The following CALN1 variants were observed in gnomAD, a reference collection of about 807,000 sequenced individuals.
CALN1 encodes calcium-binding protein 8.
In CALN1, 17 loss-of-function variants were observed where a neutral mutation model predicts 30.6. That is an observed-to-expected ratio of 0.56 (90% CI 0.38 to 0.83). The LOEUF (loss-of-function observed/expected upper bound fraction) is 0.83. Ranked by LOEUF, CALN1 falls within the 40% of genes least tolerant of loss-of-function variation. CALN1 has a pLI of 0.00. For synonymous variants in CALN1, 156 were observed against 131.4 expected, an observed-to-expected ratio of 1.19 and a Z score of -1.28; for missense variants, 291 against 354.9, an observed-to-expected ratio of 0.82 and a Z score of 1.45.
In CALN1 at chr7:72,276,881, C is replaced by T. The variant is rs1221514858; in HGVS notation, c.244+1805G>A. 2.6e-5 allele frequency among the ~76,000 whole-genome samples: 4 copies of T among 152,164 alleles called. No individual in the cohort carries two copies. The East Asian group carries it at 7.7e-4, about 29-fold the overall frequency. ...ACACAAAGCAGACTAAGACAGTGCCCTTACATACTCAAGGCACAAAAGAAC... is the reference window on the plus strand; with the variant it reads ...ACACAAAGCAGACTAAGACAGTGCCTTTACATACTCAAGGCACAAAAGAAC... On this transcript the variant is annotated intron_variant, in intron 3 of 6. Coordinates refer to ENST00000395275, the MANE Select transcript of CALN1 (RefSeq NM_031468.4).
chr7:71,906,806 C>T lies in CALN1; in HGVS notation c.502-96314G>A, dbSNP rs571756533. On this transcript the variant is annotated intron_variant, in intron 5 of 6. Transcript: ENST00000395275. ...CTCATTTCCAGAACAAAACAGAAAG[C>T]GAGGAGTAAGACTGGCAGCAGCCAA... is the stretch of plus-strand genomic sequence containing the variant. Among the ~76,000 whole-genome samples the T allele has an allele frequency of 6.6e-4, 101 of 152,212 alleles. No homozygotes were observed. The Middle Eastern group carries it at 0.017, about 26-fold the overall frequency.
At chr7:72,335,909 G>A (rs1801993935) in intron 2 of CALN1, among the ~76,000 whole-genome samples, 1 of 152,158 alleles carries the variant, frequency 6.6e-6, no homozygotes, top group African/African-American at 2.4e-5. Context: ...TGCTGCCTAG[G>A]CGCCCTCGGA....
chr7:72,154,167 G>A (rs533498130), intron 3 of CALN1, among the ~76,000 whole-genome samples: 1 of 151,524 alleles, frequency 6.6e-6, no homozygotes, highest in Non-Finnish European at 1.5e-5. Flanking sequence ...CTCCTAGAAA[G>A]ATAAAATAAT....
At chr7:71,944,236 C>T (rs1449862922) in intron 5 of CALN1, among the ~76,000 whole-genome samples, 1 of 151,994 alleles carries the variant, frequency 6.6e-6, no homozygotes, top group Non-Finnish European at 1.5e-5. Context: ...CACTTGAGCC[C>T]AGGAGTTCAA....
chr7:72,274,608 A>C (rs1215676240), intron 3 of CALN1, among the ~76,000 whole-genome samples: 1 of 152,204 alleles, frequency 6.6e-6, no homozygotes, highest in African/African-American at 2.4e-5. Flanking sequence ...AATTCCATAT[A>C]ATGCACTCTA....
intron 5 of CALN1, among the ~76,000 whole-genome samples, chr7:71,855,252 G>C (rs765811768): frequency 2.0e-5 from 3 of 152,200 alleles, no homozygotes; most frequent in Non-Finnish European, 4.4e-5. Context: ...AAACTTGCAT[G>C]TCTCAAGTCT....
chr7:72,336,302 C>A (rs1182667684), intron 2 of CALN1, among the ~76,000 whole-genome samples: 1 of 152,080 alleles, frequency 6.6e-6, no homozygotes, highest in Non-Finnish European at 1.5e-5. Context: ...GTCCCCTGCC[C>A]TCCCTCCCCA....
chr7:72,078,424 C>T (rs915299507), intron 4 of CALN1, among the ~76,000 whole-genome samples: 4 of 152,138 alleles, frequency 2.6e-5, no homozygotes, highest in African/African-American at 7.2e-5. Flanking sequence ...CAGAGACTCG[C>T]AAGCTGTCCC....
intron 2 of CALN1, among the ~76,000 whole-genome samples, chr7:72,322,845 G>A (rs1379443321): frequency 6.6e-6 from 1 of 151,492 alleles, no homozygotes; most frequent in East Asian, 1.9e-4. Context: ...CGTTTGAGGG[G>A]ATGGATATAC....
chr7:72,296,177 G>A (rs555628468), intron 2 of CALN1, among the ~76,000 whole-genome samples: 18 of 151,500 alleles, frequency 1.2e-4, no homozygotes, highest in East Asian at 7.7e-4. Context: ...ACTGATTTGC[G>A]TATATTGAAC....
chr7:72,081,494 C>A (rs1420148182), intron 4 of CALN1, among the ~76,000 whole-genome samples: 1 of 149,012 alleles, frequency 6.7e-6, no homozygotes, highest in African/African-American at 2.5e-5. Flanking sequence ...GCAATCATAG[C>A]TCACTACAGC....
intron 4 of CALN1, among the ~76,000 whole-genome samples, chr7:72,063,576 C>T (rs1482103271): frequency 1.3e-5 from 2 of 152,110 alleles, no homozygotes; most frequent in African/African-American, 4.8e-5. Flanking sequence ...TCCAGACTTG[C>T]CATGAGAGCC....
the CALN1 span, among the ~76,000 whole-genome samples, chr7:72,503,054 G>T: frequency 6.6e-6 from 1 of 152,100 alleles, no homozygotes; most frequent in African/African-American, 2.4e-5. Flanking sequence ...GCTGAGGCAG[G>T]AGAATCGCTT....
At chr7:72,038,888 T>C (rs112687736) in intron 4 of CALN1, among the ~76,000 whole-genome samples, 1,746 of 152,304 alleles carry the variant, frequency 0.011, 43 homozygotes, top group African/African-American at 0.039. Flanking sequence ...ACCATAAAAA[T>C]GGGCAACCAG....
At chr7:71,894,194 T>C (rs1000219812) in intron 5 of CALN1, among the ~76,000 whole-genome samples, 3 of 152,216 alleles carry the variant, frequency 2.0e-5, no homozygotes, top group African/African-American at 7.2e-5. Context: ...TAAACGGGTT[T>C]AATTCTGGAC....
intron 1 of CALN1, among the ~76,000 whole-genome samples, chr7:72,409,700 G>T (rs999914828): frequency 2.0e-5 from 3 of 151,976 alleles, no homozygotes; most frequent in African/African-American, 7.3e-5. Flanking sequence ...ATTGTTTATG[G>T]GCATAAATAA....
chr7:72,371,173 T>G (rs1804221718), intron 2 of CALN1, among the ~76,000 whole-genome samples: 1 of 152,272 alleles, frequency 6.6e-6, no homozygotes, highest in Admixed American at 6.5e-5. Context: ...GTTGCAAAGG[T>G]TTTCTTCTGT....
chr7:72,307,359 G>A (rs1165299737), intron 2 of CALN1, among the ~76,000 whole-genome samples: 3 of 152,204 alleles, frequency 2.0e-5, no homozygotes, highest in African/African-American at 7.2e-5. Flanking sequence ...GACAAAGATT[G>A]CATTATTTTT....
chr7:72,271,949 C>A (rs1329010255), intron 3 of CALN1, among the ~76,000 whole-genome samples: 4 of 151,538 alleles, frequency 2.6e-5, no homozygotes, highest in African/African-American at 7.3e-5. Context: ...GTAATCCCAG[C>A]TACTCAGGAG....
Sources: allele counts gnomAD v4.1 joint callset (sites outside exome capture counted in the v4.1 genomes callset), GRCh38; gene constraint gnomAD v4.1.1; transcripts MANE v1.5; gene names NCBI Gene and HGNC (gene_info 2026-07-23, HGNC 2026-07-21).